FZD3: variants seen among roughly 807,000 people sequenced by gnomAD.
The protein encoded by FZD3 is frizzled-3.
Under a neutral mutation model 60.7 loss-of-function variants are expected in FZD3, and 30 were observed. That is an observed-to-expected ratio of 0.49 (90% CI 0.37 to 0.67). FZD3 has a LOEUF of 0.67. FZD3 is among the 30% of genes least tolerant of loss of function. FZD3 has a pLI of 0.00. For missense variants in FZD3, 605 were observed against 838.7 expected (o/e 0.72, Z 3.44); for synonymous variants, 246 against 275.2 (o/e 0.89, Z 1.05).
At chr8:28,533,700 A>C (rs1203230224) in intron 5 of FZD3, among the ~76,000 whole-genome samples, 2 of 152,130 alleles carry the variant, frequency 1.3e-5, no homozygotes, top group African/African-American at 4.8e-5. Flanking sequence ...GCTGATGGAA[A>C]GGGATGTTTT....
At chr8:28,550,924 A>G (rs1173216335) in intron 5 of FZD3, among the ~76,000 whole-genome samples, 1 of 152,152 alleles carries the variant, frequency 6.6e-6, no homozygotes, top group East Asian at 1.9e-4. Flanking sequence ...TTAGTAATCA[A>G]AACTATCACT....
chr8:28,500,391 GT>G (rs1240674705), intron 2 of FZD3, among the ~76,000 whole-genome samples: 1 of 152,178 alleles, frequency 6.6e-6, no homozygotes, highest in African/African-American at 2.4e-5. Flanking sequence ...ATTTCAGCTA[GT>G]TTTAAAGGCT....
In FZD3 at chr8:28,555,857, C is replaced by G. The variant is rs748444558; in HGVS notation, c.1673C>G (p.Thr558Ser). 6.2e-7 allele frequency: 1 copy of G among 1,613,304 alleles called. No homozygotes were observed. The highest frequency in any genetic ancestry group is 1.3e-5 in the African/African-American group (1 of 74,908). ...GGAACTTCCACTCAAGGAACATCCA[C>G]CCATGCTTCTTCAACTCAGCTGGCT... The part of the protein sequence containing the change: ...SRGTSTQGTS[T>S]HASSTQLAMV... The change falls in exon 7 of 8, where the codon ACC becomes AGC. Residue 558 changes from threonine to serine, a missense_variant. Thr to Ser is a moderately conservative substitution (Grantham distance 58). Transcript: ENST00000240093.
At chr8:28,562,082 A>G (rs577155466) in intron 7 of FZD3, among the ~76,000 whole-genome samples, 30 of 152,296 alleles carry the variant, frequency 2.0e-4, no homozygotes, top group African/African-American at 7.2e-4. Flanking sequence ...AGCTGGGTCT[A>G]GAGCTGAAGG....
chr8:28,519,362 A>AT (rs1413231662), intron 3 of FZD3, among the ~76,000 whole-genome samples: 3 of 152,144 alleles, frequency 2.0e-5, no homozygotes, highest in Non-Finnish European at 4.4e-5. Context: ...TGGGGTTACT[A>AT]TTTTTTTTCC....
In FZD3 at chr8:28,571,880, CAAAATT is replaced by C. The variant is rs1805812582; in HGVS notation, c.*8875_*8880del. The C allele has an allele frequency of 2.0e-5, 3 of 151,980 alleles. No homozygotes were observed. In the South Asian group the frequency reaches 6.2e-4, roughly 32 times the overall value. The allele number at this position is 151,980 out of a possible 1,614,324, so 9.4% of individuals were successfully genotyped here. On this transcript the variant is annotated 3_prime_UTR_variant, in exon 8 of 8. Coordinates refer to ENST00000240093, the MANE Select transcript of FZD3 (RefSeq NM_017412.4). ...AATAGAACAATGGAAGCTGTTTCGT[CAAAATT>C]AAAATACTTTACCAAAAAAATACTT...
At chr8:28,560,571 A>C (rs1454578957) in intron 7 of FZD3, among the ~76,000 whole-genome samples, 1 of 152,182 alleles carries the variant, frequency 6.6e-6, no homozygotes, top group Non-Finnish European at 1.5e-5. Context: ...TTGTAACTCA[A>C]AGCTTTATAT....
intron 1 of FZD3, among the ~76,000 whole-genome samples, chr8:28,498,622 A>G (rs1438966592): frequency 1.3e-5 from 2 of 152,202 alleles, no homozygotes; most frequent in Non-Finnish European, 2.9e-5. Flanking sequence ...TCTGTCACCC[A>G]GGCTGGATGC....
In FZD3 at chr8:28,568,698, A is replaced by G. The variant is rs1805748299; in HGVS notation, c.*5687A>G. 1 of 152,172 alleles carries G rather than the reference A, an allele frequency of 6.6e-6. No homozygotes were observed. 9.4% of individuals were successfully genotyped at this position (152,172 alleles called of 1,614,324 possible). On this transcript the variant is annotated 3_prime_UTR_variant, in exon 8 of 8. Coordinates refer to ENST00000240093, the MANE Select transcript of FZD3 (RefSeq NM_017412.4). The stretch of plus-strand genomic sequence containing the variant: ...AGAAAGTAAAATTCTGTTGCCATAA[A>G]TATAAAAGAAAGTTTTCACTTATAT...
intron 3 of FZD3, among the ~76,000 whole-genome samples, chr8:28,504,661 G>A (rs1804089748): frequency 6.6e-6 from 1 of 152,082 alleles, no homozygotes; most frequent in Non-Finnish European, 1.5e-5. Flanking sequence ...AGGGCTGTTA[G>A]GATTAAATAA....
intron 5 of FZD3, among the ~76,000 whole-genome samples, chr8:28,544,255 T>C (rs1175507822): frequency 6.6e-6 from 1 of 152,128 alleles, no homozygotes; most frequent in Non-Finnish European, 1.5e-5. Flanking sequence ...TAATATGATA[T>C]GAATATCTGC....
At chr8:28,518,472 C>A (rs1804491208) in intron 3 of FZD3, among the ~76,000 whole-genome samples, 1 of 152,164 alleles carries the variant, frequency 6.6e-6, no homozygotes, top group South Asian at 2.1e-4. Flanking sequence ...TTCAGGACTT[C>A]TCAGCAGAAA....
chr8:28,526,881 A>G (rs1054802884), intron 4 of FZD3, among the ~76,000 whole-genome samples: 3 of 152,218 alleles, frequency 2.0e-5, no homozygotes, highest in African/African-American at 7.2e-5. Context: ...TTAGTTGCAT[A>G]AATGTCTGCA....
chr8:28,546,081 G>C (rs541480786), intron 5 of FZD3, among the ~76,000 whole-genome samples: 1 of 152,348 alleles, frequency 6.6e-6, no homozygotes, highest in East Asian at 1.9e-4. Flanking sequence ...TAGGTGTGTA[G>C]TGGGCTATAC....
rs573462182 is a variant in FZD3 at position 28,542,414 on chromosome 8, G to A, written c.1405-9189G>A. ...GCACTTTGGGAGGCTGAGGTGGGTG[G>A]ATCACCTGAGGTAGGGAGTTCGAGA... On this transcript the variant is annotated intron_variant, in intron 5 of 7. Coordinates refer to ENST00000240093, the MANE Select transcript of FZD3 (RefSeq NM_017412.4). Among the ~76,000 whole-genome samples, 5 of 152,188 alleles carry A rather than the reference G, an allele frequency of 3.3e-5. No homozygotes were observed. In the East Asian group the frequency reaches 9.7e-4, roughly 29 times the overall value.
chr8:28,497,179 C>G (rs1228372267), intron 1 of FZD3, among the ~76,000 whole-genome samples: 1 of 152,202 alleles, frequency 6.6e-6, no homozygotes, highest in Non-Finnish European at 1.5e-5. Context: ...AAGCCTTAAT[C>G]ACTTAACACA....
chr8:28,538,967 T>C (rs1282063135), intron 5 of FZD3, among the ~76,000 whole-genome samples: 1 of 151,840 alleles, frequency 6.6e-6, no homozygotes, highest in Non-Finnish European at 1.5e-5. Context: ...AAAATAAACA[T>C]GGAAATCAGA....
At chr8:28,557,062 A>G (rs1435873583) in intron 7 of FZD3, among the ~76,000 whole-genome samples, 1 of 152,128 alleles carries the variant, frequency 6.6e-6, no homozygotes, top group African/African-American at 2.4e-5. Flanking sequence ...GAAATTATAT[A>G]GCCGGGTGTT....
At chr8:28,533,620 G>T (rs961560072) in intron 5 of FZD3, among the ~76,000 whole-genome samples, 2 of 143,920 alleles carry the variant, frequency 1.4e-5, no homozygotes, top group South Asian at 4.6e-4. Context: ...TGTTTTGTTT[G>T]AGAACCTTTA....
Sources: allele counts gnomAD v4.1 joint callset (sites outside exome capture counted in the v4.1 genomes callset), GRCh38; gene constraint gnomAD v4.1.1; transcripts MANE v1.5; gene names NCBI Gene and HGNC (gene_info 2026-07-23, HGNC 2026-07-21).